CRISPLD2: variants seen among roughly 807,000 people sequenced by gnomAD.
CRISPLD2 encodes cysteine-rich secretory protein LCCL domain-containing 2.
Under a neutral mutation model 71.1 loss-of-function variants are expected in CRISPLD2, and 47 were observed. That is an observed-to-expected ratio of 0.66 (90% CI 0.52 to 0.84). The LOEUF (loss-of-function observed/expected upper bound fraction) is 0.84. Among genes scored for constraint, CRISPLD2 ranks in the 40% least tolerant of loss-of-function variants. The probability of loss-of-function intolerance (pLI) is 0.00; values close to 1 mark genes in which losing one functional copy is unlikely to be tolerated. For synonymous variants in CRISPLD2, 317 were observed against 250.1 expected (o/e 1.27, Z -2.52); for missense variants, 830 against 651.1 (o/e 1.27, Z -2.99).
intron 5 of CRISPLD2, among the ~76,000 whole-genome samples, chr16:84,851,413 G>A (rs549137559): frequency 2.8e-4 from 42 of 152,328 alleles, no homozygotes; most frequent in African/African-American, 8.9e-4. Context: ...CATGCTGGCC[G>A]CTGGCCACCG....
chr16:84,832,612 C>A (rs1369184140), intron 1 of CRISPLD2, among the ~76,000 whole-genome samples: 1 of 152,240 alleles, frequency 6.6e-6, no homozygotes, highest in East Asian at 1.9e-4. Context: ...CGGGCTGAGT[C>A]TTAGCAATGA....
At chr16:84,862,848 C>T (rs1426888204) in intron 6 of CRISPLD2, among the ~76,000 whole-genome samples, 3 of 152,028 alleles carry the variant, frequency 2.0e-5, no homozygotes, top group Non-Finnish European at 4.4e-5. Flanking sequence ...CCCAGACCCT[C>T]TGAGGAGCCA....
chr16:84,870,067 G>C (rs941502695), intron 8 of CRISPLD2, among the ~76,000 whole-genome samples: 2 of 152,198 alleles, frequency 1.3e-5, no homozygotes, highest in Admixed American at 1.3e-4. Context: ...CTCTGTAGAA[G>C]CCGGCCCACA....
intron 5 of CRISPLD2, among the ~76,000 whole-genome samples, chr16:84,852,411 G>A (rs542273968): frequency 6.6e-6 from 1 of 152,294 alleles, no homozygotes; most frequent in South Asian, 2.1e-4. Flanking sequence ...GTGGTGTCTG[G>A]TGTGGGACCT....
At chr16:84,900,400 C>A (rs8051626) in intron 14 of CRISPLD2, among the ~76,000 whole-genome samples, 1 of 151,936 alleles carries the variant, frequency 6.6e-6, no homozygotes, top group African/African-American at 2.4e-5. Flanking sequence ...AAGGAAACCC[C>A]GCCCAGAAAT....
intron 13 of CRISPLD2, among the ~76,000 whole-genome samples, chr16:84,881,514 T>C (rs1319691899): frequency 6.6e-6 from 1 of 152,220 alleles, no homozygotes; most frequent in African/African-American, 2.4e-5. Context: ...GCAGGCTGTG[T>C]GATCTTGTCA....
Position 84,907,024 on chromosome 16 carries a change from G to T in CRISPLD2, c.*382G>T, listed in dbSNP as rs2071808882. The T allele has an allele frequency of 7.4e-6, 2 of 268,736 alleles. No individual in the cohort carries two copies. Among genetic ancestry groups the T allele is most frequent in the Admixed American group, 5.2e-5 (1 of 19,368 alleles). 16.6% of individuals were successfully genotyped at this position (268,736 alleles called of 1,614,324 possible). On this transcript the variant is annotated 3_prime_UTR_variant, in exon 15 of 15. Transcript: ENST00000262424. ...CTGCCAAAAGAACAAACCATTTGAA[G>T]CTCACAATTGTGAAGCATTCACGGC...
intron 2 of CRISPLD2, 98 bp downstream of exon 2, chr16:84,838,833 C>T (rs1484781674): frequency 3.5e-6 from 5 of 1,441,648 alleles, no homozygotes; most frequent in Admixed American, 3.9e-5. Context: ...CCAGCCAGTG[C>T]GTGTGATGGC....
In CRISPLD2 at chr16:84,868,834, C is replaced by T; in HGVS notation, c.854-17C>T. ...TGGTTTCGTGCCGTGACATGTATTC[C>T]CGCATTTCTCTCCTAGCCCAAGTCG... On this transcript the variant is annotated splice_polypyrimidine_tract_variant and intron_variant, in intron 7 of 14. Coordinates refer to ENST00000262424, the MANE Select transcript of CRISPLD2 (RefSeq NM_031476.4). 1 of 1,610,582 alleles carries T rather than the reference C, an allele frequency of 6.2e-7. No individual in the cohort carries two copies. The highest frequency in any genetic ancestry group is 8.5e-7 in the Non-Finnish European group (1 of 1,177,742).
intron 1 of CRISPLD2, among the ~76,000 whole-genome samples, chr16:84,825,723 C>G (rs981692822): frequency 6.6e-6 from 1 of 151,584 alleles, no homozygotes; most frequent in Non-Finnish European, 1.5e-5. Context: ...ACACTGCACT[C>G]CAGCCTGGGT....
chr16:84,865,190 CT>C (rs2143265017), intron 6 of CRISPLD2, among the ~76,000 whole-genome samples: 1 of 149,638 alleles, frequency 6.7e-6, no homozygotes, highest in East Asian at 2.0e-4. Context: ...GAGTTTCGCT[CT>C]GTCGCCCAGG....
chr16:84,890,462 A>C (rs1040854404), intron 14 of CRISPLD2, among the ~76,000 whole-genome samples: 1 of 152,182 alleles, frequency 6.6e-6, no homozygotes, highest in Non-Finnish European at 1.5e-5. Flanking sequence ...ATCTATGACC[A>C]TAAGTCATTG....
chr16:84,902,099 C>G (rs1372355048), intron 14 of CRISPLD2, among the ~76,000 whole-genome samples: 1 of 152,004 alleles, frequency 6.6e-6, no homozygotes, highest in Non-Finnish European at 1.5e-5. Context: ...GCGCCTGGCC[C>G]TGGTTGCACA....
Position 84,854,760 on chromosome 16 carries a change from A to G in CRISPLD2, c.640A>G (p.Asn214Asp). Residue 214 changes from asparagine to aspartate, a missense_variant, in exon 6 of 15, where the codon AAT becomes GAT. Transcript: ENST00000262424. ...CTGGATTGGAGAAGCCCCCTACAAG[A>G]ATGGCCGGCCCTGCTCTGAGTGCCC... The part of the protein sequence containing the change: ...GNWIGEAPYK[N>D]GRPCSECPPS... 1 of 1,614,136 alleles carries G rather than the reference A, an allele frequency of 6.2e-7. No homozygotes were observed. Among genetic ancestry groups the G allele is most frequent in the Middle Eastern group, 1.6e-4 (1 of 6,062 alleles).
At chr16:84,895,125 T>G (rs12051490) in intron 14 of CRISPLD2, among the ~76,000 whole-genome samples, 31,129 of 152,062 alleles carry the variant, frequency 0.2, 3,257 homozygotes, top group Middle Eastern at 0.24. Flanking sequence ...CACATCTCAT[T>G]CCCCAACAGC....
intron 1 of CRISPLD2, among the ~76,000 whole-genome samples, chr16:84,836,777 C>T (rs1916631937): frequency 6.6e-6 from 1 of 152,134 alleles, no homozygotes; most frequent in African/African-American, 2.4e-5. Flanking sequence ...TCCCAGCCAA[C>T]TTGACTGGTA....
chr16:84,854,818 T>C lies in CRISPLD2; in HGVS notation c.698T>C (p.Leu233Ser), dbSNP rs748497929. 1.2e-6 allele frequency: 2 copies of C among 1,613,916 alleles called. No homozygotes were observed. The highest frequency in any genetic ancestry group is 2.2e-5 in the South Asian group (2 of 91,074). The change falls in exon 6 of 15, where the codon TTG becomes TCG. Residue 233 changes from leucine to serine, a missense_variant. By Grantham distance (145) the Leu-to-Ser change is moderately radical. Coordinates refer to ENST00000262424, the MANE Select transcript of CRISPLD2 (RefSeq NM_031476.4). ...TATGGAGGCAGCTGCAGGAACAACTTGTGTTACCGAGGTAGGAAATTTACT... is the reference window on the plus strand; with the variant it reads ...TATGGAGGCAGCTGCAGGAACAACTCGTGTTACCGAGGTAGGAAATTTACT... ...PSYGGSCRNN[L>S]CYREETYTPK...
At chr16:84,846,564 G>A (rs1916920190) in intron 3 of CRISPLD2, among the ~76,000 whole-genome samples, 1 of 151,972 alleles carries the variant, frequency 6.6e-6, no homozygotes, top group African/African-American at 2.4e-5. Context: ...TGTAGTTTGG[G>A]GTTTCCATTC....
chr16:84,859,384 C>T (rs1017149556), intron 6 of CRISPLD2, among the ~76,000 whole-genome samples: 3 of 152,176 alleles, frequency 2.0e-5, no homozygotes, highest in African/African-American at 7.2e-5. Flanking sequence ...AGCCAGTGTC[C>T]AGTAGTCCCC....
Sources: gnomAD v4.1 joint callset for allele counts (sites outside exome capture counted in the v4.1 genomes callset) on GRCh38, gnomAD v4.1.1 for gene constraint, MANE v1.5 for transcripts, NCBI Gene and HGNC (gene_info 2026-07-23, HGNC 2026-07-21) for gene names.